Variants in ZNF708 observed in about 807,000 individuals in gnomAD.
ZNF708 encodes zinc finger protein 708, also known as ZNF15, ZNF15L1.
A neutral mutation model predicts 47.0 loss-of-function variants in ZNF708; 44 were observed. That is an observed-to-expected ratio of 0.94 (90% CI 0.74 to 1.20). ZNF708 has a LOEUF of 1.20. Among genes scored for constraint, ZNF708 ranks in the 50% most tolerant of loss-of-function variants. The pLI, the probability that ZNF708 is intolerant of heterozygous loss-of-function variation, is 0.00. For missense variants in ZNF708, 557 were observed against 656.0 expected (o/e 0.85, Z 1.65); for synonymous variants, 184 against 218.5 (o/e 0.84, Z 1.39).
Position 21,294,331 on chromosome 19 carries a change from G to C in ZNF708, c.635C>G (p.Thr212Arg). 1 of 1,613,240 alleles carries C rather than the reference G, an allele frequency of 6.2e-7. No homozygotes were observed. The highest frequency in any genetic ancestry group is 8.5e-7 in the Non-Finnish European group (1 of 1,179,782). Residue 212 changes from threonine to arginine, a missense_variant, in exon 4 of 4, where the codon ACG (threonine) becomes AGG (arginine). Physicochemically the swap from Thr to Arg is moderately conservative, Grantham distance 71 (BLOSUM62 -1). Transcript: ENST00000356929. ...TCCAGTATGAATTATCTTATGATTCGTAAGGTTTGAGGACTTTTTAAAAGC... is the reference window on the plus strand; with the variant it reads ...TCCAGTATGAATTATCTTATGATTCCTAAGGTTTGAGGACTTTTTAAAAGC... ...GKAFKKSSNL[T>R]NHKIIHTGEK...
At chr19:21,301,634 C>CA (rs1386939426) in intron 3 of ZNF708, among the ~76,000 whole-genome samples, 1 of 148,780 alleles carries the variant, frequency 6.7e-6, no homozygotes, top group African/African-American at 2.5e-5. Context: ...AACAAACAAA[C>CA]AAACAAAAAA....
intron 1 of ZNF708, among the ~76,000 whole-genome samples, chr19:21,328,913 C>T (rs1490149450): frequency 6.6e-6 from 1 of 152,214 alleles, no homozygotes; most frequent in African/African-American, 2.4e-5. Context: ...TGACCACCCT[C>T]CCATGGTCCC....
intron 1 of ZNF708, among the ~76,000 whole-genome samples, chr19:21,320,914 G>A (rs1599689555): frequency 6.6e-6 from 1 of 151,944 alleles, no homozygotes; most frequent in African/African-American, 2.4e-5. Flanking sequence ...GGCCGAGGCG[G>A]GTGGATCACG....
intron 1 of ZNF708, among the ~76,000 whole-genome samples, chr19:21,317,927 A>G (rs751044470): frequency 6.6e-5 from 10 of 152,228 alleles, no homozygotes; most frequent in Non-Finnish European, 1.3e-4. Context: ...ATGGTTGAAT[A>G]GGGTGCTATC....
At chr19:21,328,315 A>G (rs1369716724) in intron 1 of ZNF708, among the ~76,000 whole-genome samples, 1 of 152,228 alleles carries the variant, frequency 6.6e-6, no homozygotes, top group Non-Finnish European at 1.5e-5. Context: ...TCAAAAAATG[A>G]TTAACTAAAA....
chr19:21,308,704 C>T (rs550311952), intron 3 of ZNF708, among the ~76,000 whole-genome samples: 38 of 152,160 alleles, frequency 2.5e-4, no homozygotes, highest in South Asian at 4.2e-4. Context: ...AGCCACTGCC[C>T]CCCCAGCCAA....
At chr19:21,305,503 G>A (rs1265887092) in intron 3 of ZNF708, among the ~76,000 whole-genome samples, 1 of 151,014 alleles carries the variant, frequency 6.6e-6, no homozygotes, top group Admixed American at 6.6e-5. Flanking sequence ...AGGCTGGAGT[G>A]CAGTGGCTGT....
intron 3 of ZNF708, among the ~76,000 whole-genome samples, chr19:21,300,389 C>T (rs1972631836): frequency 6.6e-6 from 1 of 151,560 alleles, no homozygotes; most frequent in Non-Finnish European, 1.5e-5. Flanking sequence ...GCCTGTAATC[C>T]CAGCTACTCG....
At chr19:21,305,682 C>T (rs1341790507) in intron 3 of ZNF708, among the ~76,000 whole-genome samples, 1 of 151,798 alleles carries the variant, frequency 6.6e-6, no homozygotes, top group Non-Finnish European at 1.5e-5. Flanking sequence ...AGGATGGTCT[C>T]TAACTCCTGA....
intron 3 of ZNF708, among the ~76,000 whole-genome samples, chr19:21,297,204 G>A (rs1417212013): frequency 1.5e-5 from 2 of 133,276 alleles, no homozygotes; most frequent in Non-Finnish European, 3.1e-5. Context: ...ACAAAGTAGA[G>A]AGCAGATATA....
At chr19:21,312,464 A>G (rs1367248341) in intron 1 of ZNF708, among the ~76,000 whole-genome samples, 2 of 152,126 alleles carry the variant, frequency 1.3e-5, no homozygotes, top group Non-Finnish European at 2.9e-5. Context: ...ACTCCATCTC[A>G]AAACAAACAA....
chr19:21,303,658 T>C (rs989997830), intron 3 of ZNF708, among the ~76,000 whole-genome samples: 1 of 151,996 alleles, frequency 6.6e-6, no homozygotes, highest in Non-Finnish European at 1.5e-5. Flanking sequence ...ATATGCTGCC[T>C]ACAAGAGACT....
chr19:21,318,786 G>A (rs942477575), intron 1 of ZNF708: 1 of 152,090 alleles, frequency 6.6e-6, no homozygotes, highest in Non-Finnish European at 1.5e-5. Flanking sequence ...ATAACTAACT[G>A]AAGGGCTATT....
chr19:21,313,450 C>A (rs1364576819), intron 1 of ZNF708, among the ~76,000 whole-genome samples: 3 of 152,068 alleles, frequency 2.0e-5, no homozygotes, highest in Admixed American at 6.6e-5. Context: ...GTTTCTCTGT[C>A]ATTGGTTTTT....
intron 3 of ZNF708, among the ~76,000 whole-genome samples, chr19:21,302,469 G>A (rs1032907897): frequency 3.3e-5 from 5 of 152,088 alleles, no homozygotes; most frequent in South Asian, 2.1e-4. Flanking sequence ...AGGCTGAGGC[G>A]GGTGTATCAC....
At chr19:21,329,082 TAGGCA>T in intron 1 of ZNF708, 123 bp downstream of exon 1, 6 of 1,415,070 alleles carry the variant, frequency 4.2e-6, no homozygotes, top group Non-Finnish European at 5.9e-6. Context: ...GAGGCCGAGC[TAGGCA>T]AGGAGAACTC....
intron 1 of ZNF708, among the ~76,000 whole-genome samples, chr19:21,328,547 G>A (rs1469937334): frequency 6.6e-6 from 1 of 152,198 alleles, no homozygotes; most frequent in Non-Finnish European, 1.5e-5. Flanking sequence ...GGGAAAATCA[G>A]TCCCCTGTGG....
At chr19:21,303,695 G>A (rs968129684) in intron 3 of ZNF708, among the ~76,000 whole-genome samples, 5 of 151,924 alleles carry the variant, frequency 3.3e-5, no homozygotes, top group Non-Finnish European at 7.4e-5. Context: ...TGAATAGACT[G>A]AAAGTAACGT....
chr19:21,309,107 C>A, intron 3 of ZNF708, 139 bp downstream of exon 3: 2 of 722,758 alleles, frequency 2.8e-6, no homozygotes, highest in South Asian at 2.0e-5. Flanking sequence ...GAAGACGCCC[C>A]TATATTAAAG....
Sources: gnomAD v4.1 joint callset for allele counts (sites outside exome capture counted in the v4.1 genomes callset) on GRCh38, gnomAD v4.1.1 for gene constraint, MANE v1.5 for transcripts, NCBI Gene and HGNC (gene_info 2026-07-23, HGNC 2026-07-21) for gene names.